CHN1: variants seen among roughly 807,000 people sequenced by gnomAD.
CHN1 encodes chimerin 1.
Under a neutral mutation model 59.5 loss-of-function variants are expected in CHN1, and 37 were observed. The observed-to-expected ratio is 0.62, with a 90% CI of 0.48 to 0.82. The LOEUF (loss-of-function observed/expected upper bound fraction) is 0.82, where lower values mean the gene tolerates loss of function less well. Ranked by LOEUF, CHN1 falls within the 40% of genes least tolerant of loss-of-function variation. CHN1 has a pLI of 0.00. For missense variants in CHN1, 469 were observed against 571.0 expected, an observed-to-expected ratio of 0.82 and a Z score of 1.82; for synonymous variants, 206 against 200.4, an observed-to-expected ratio of 1.03 and a Z score of -0.24.
chr2:174,832,690 T>G (rs1465318505), intron 7 of CHN1, among the ~76,000 whole-genome samples: 1 of 152,134 alleles, frequency 6.6e-6, no homozygotes, highest in Non-Finnish European at 1.5e-5. Flanking sequence ...ACTTTAACCC[T>G]TCTACATTTA....
chr2:174,883,704 T>G (rs1012080357), intron 5 of CHN1, among the ~76,000 whole-genome samples: 1 of 151,960 alleles, frequency 6.6e-6, no homozygotes, highest in Non-Finnish European at 1.5e-5. Context: ...AAATCATGCA[T>G]GGGAATGAAA....
intron 6 of CHN1, among the ~76,000 whole-genome samples, chr2:174,867,378 C>CA (rs371650645): frequency 0.065 from 7,634 of 116,784 alleles, 231 homozygotes; most frequent in African/African-American, 0.092. Context: ...GACTCTGTCT[C>CA]AAAAAAAAAA....
chr2:174,969,887 TC>T (rs1690706911), intron 1 of CHN1, among the ~76,000 whole-genome samples: 1 of 152,130 alleles, frequency 6.6e-6, no homozygotes, highest in Non-Finnish European at 1.5e-5. Context: ...CACTTGTGGG[TC>T]ACTAAGACCC....
intron 5 of CHN1, among the ~76,000 whole-genome samples, chr2:174,905,955 A>G (rs180966175): frequency 2.6e-5 from 4 of 152,204 alleles, no homozygotes; most frequent in Admixed American, 2.6e-4. Flanking sequence ...GTCTATATTC[A>G]AAGAGATATA....
intron 2 of CHN1, among the ~76,000 whole-genome samples, chr2:174,949,215 A>C (rs1689943176): frequency 6.6e-6 from 1 of 152,208 alleles, no homozygotes; most frequent in Non-Finnish European, 1.5e-5. Context: ...GTGGTAAAAG[A>C]TAATATAAAC....
chr2:174,859,416 T>C (rs1234031170), intron 6 of CHN1, among the ~76,000 whole-genome samples: 1 of 152,164 alleles, frequency 6.6e-6, no homozygotes, highest in Non-Finnish European at 1.5e-5. Flanking sequence ...CCTGATTCTA[T>C]AACCAGGTGG....
intron 7 of CHN1, among the ~76,000 whole-genome samples, chr2:174,839,765 A>G (rs1210168591): frequency 6.6e-6 from 1 of 152,042 alleles, no homozygotes; most frequent in Non-Finnish European, 1.5e-5. Context: ...CACCACGCCC[A>G]GCTAAGTTTT....
intron 3 of CHN1, among the ~76,000 whole-genome samples, chr2:174,921,748 AAG>A (rs1190688990): frequency 6.6e-6 from 1 of 152,148 alleles, no homozygotes; most frequent in Non-Finnish European, 1.5e-5. Context: ...TGCCAAGCAA[AAG>A]AGGGAAAAGC....
intron 1 of CHN1, among the ~76,000 whole-genome samples, chr2:175,000,747 A>C (rs1668693292): frequency 6.6e-6 from 1 of 151,742 alleles, no homozygotes; most frequent in Admixed American, 6.6e-5. Flanking sequence ...CCCAGGCTTT[A>C]TTATTATTAT....
At chr2:174,823,485 A>AAAT (rs1685570190) in intron 8 of CHN1, among the ~76,000 whole-genome samples, 2 of 152,098 alleles carry the variant, frequency 1.3e-5, no homozygotes, top group East Asian at 1.9e-4. Flanking sequence ...AACATGGTGA[A>AAAT]ACCCCGTCTC....
intron 5 of CHN1, among the ~76,000 whole-genome samples, chr2:174,908,355 C>T (rs1459637070): frequency 6.6e-6 from 1 of 152,100 alleles, no homozygotes; most frequent in Non-Finnish European, 1.5e-5. Flanking sequence ...CCACCCTTTC[C>T]ACTCAGCATT....
intron 1 of CHN1, among the ~76,000 whole-genome samples, chr2:174,999,108 G>A (rs953810545): frequency 2.6e-5 from 4 of 151,612 alleles, no homozygotes; most frequent in African/African-American, 9.7e-5. Flanking sequence ...TGGTCATACT[G>A]TACCCTGTTT....
At chr2:175,001,655 G>C (rs1691892812) in intron 1 of CHN1, among the ~76,000 whole-genome samples, 1 of 152,242 alleles carries the variant, frequency 6.6e-6, no homozygotes, top group Non-Finnish European at 1.5e-5. Flanking sequence ...ACTCTACCCA[G>C]ATAGAGGACC....
At chr2:174,976,897 T>C (rs1477656818) in intron 1 of CHN1, among the ~76,000 whole-genome samples, 2 of 152,196 alleles carry the variant, frequency 1.3e-5, no homozygotes, top group African/African-American at 2.4e-5. Context: ...TAAATTCTGG[T>C]GCACAAACAT....
intron 5 of CHN1, among the ~76,000 whole-genome samples, chr2:174,913,595 A>T (rs1280441151): frequency 6.6e-6 from 1 of 152,212 alleles, no homozygotes; most frequent in Non-Finnish European, 1.5e-5. Context: ...ATTGAAGTGG[A>T]ATTTACACTT....
At chr2:174,929,172 C>T (rs1689258414) in intron 3 of CHN1, among the ~76,000 whole-genome samples, 1 of 152,168 alleles carries the variant, frequency 6.6e-6, no homozygotes, top group Non-Finnish European at 1.5e-5. Flanking sequence ...CAAAGAAAAC[C>T]ATTAACCTTC....
intron 6 of CHN1, chr2:174,847,265 G>C: frequency 7.2e-7 from 1 of 1,382,540 alleles, no homozygotes; most frequent in Non-Finnish European, 9.3e-7. Flanking sequence ...ACACCACGGA[G>C]AGGTGGAGGA....
At chr2:174,918,653 A>G in intron 3 of CHN1, 88 bp from the exon 4 acceptor site, 1 of 1,061,020 alleles carries the variant, frequency 9.4e-7, no homozygotes, top group Non-Finnish European at 1.4e-6. Context: ...GACAAAGTAA[A>G]GCATATATTA....
intron 3 of CHN1, among the ~76,000 whole-genome samples, chr2:174,931,872 C>G (rs1027186629): frequency 6.6e-6 from 1 of 152,106 alleles, no homozygotes; most frequent in African/African-American, 2.4e-5. Context: ...AAGGATCACA[C>G]CTGCTGTATC....
Sources: allele counts gnomAD v4.1 joint callset (sites outside exome capture counted in the v4.1 genomes callset), GRCh38; gene constraint gnomAD v4.1.1; transcripts MANE v1.5; gene names NCBI Gene and HGNC (gene_info 2026-07-23, HGNC 2026-07-21).